The following PSAP variants were observed in gnomAD, a reference collection of about 807,000 sequenced individuals.
The protein encoded by PSAP is precursor of saposins.
In PSAP, 25 loss-of-function variants were observed where a neutral mutation model predicts 66.0. That is an observed-to-expected ratio of 0.38 (90% confidence interval 0.28 to 0.53). PSAP has a LOEUF of 0.53. PSAP is among the 20% of genes least tolerant of loss of function. PSAP has a pLI of 0.83. For synonymous variants in PSAP, 273 were observed against 258.9 expected (o/e 1.05, Z -0.52); for missense variants, 649 against 668.8 (o/e 0.97, Z 0.33).
At chr10:71,825,735 G>C in intron 7 of PSAP, 102 bp downstream of exon 7, 1 of 1,149,366 alleles carries the variant, frequency 8.7e-7, no homozygotes, top group Non-Finnish European at 1.3e-6. Context: ...GCACTCTAAG[G>C]TAAAAAAGGG....
At chr10:71,848,874 G>T (rs541669690) in intron 1 of PSAP, among the ~76,000 whole-genome samples, 1 of 152,240 alleles carries the variant, frequency 6.6e-6, no homozygotes, top group Admixed American at 6.5e-5. Flanking sequence ...AGGTAGGACA[G>T]CAAAGTTAAA....
rs199876522 is a variant in PSAP at position 71,822,047 on chromosome 10, C to G, written c.778-40G>C. The G allele has an allele frequency of 1.7e-5, 28 of 1,613,612 alleles. No individual in the cohort carries two copies. The East Asian group carries it at 4.5e-4, about 26-fold the overall frequency. On this transcript the variant is annotated intron_variant, in intron 7 of 13. Transcript: ENST00000394936. Reference sequence around the variant, plus strand: ...GAACAACCAGTCAGCAGCAAGCCTACGCCCACTGCTCCTCAGTCCCAATCC... The same window carrying G: ...GAACAACCAGTCAGCAGCAAGCCTAGGCCCACTGCTCCTCAGTCCCAATCC...
chr10:71,840,787 G>A (rs1842719109), intron 1 of PSAP, among the ~76,000 whole-genome samples: 2 of 152,084 alleles, frequency 1.3e-5, no homozygotes, highest in Admixed American at 1.3e-4. Flanking sequence ...TTCCAGGGCA[G>A]GACATTATCT....
intron 8 of PSAP, 105 bp downstream of exon 8, chr10:71,821,771 C>G: frequency 2.0e-6 from 3 of 1,495,742 alleles, no homozygotes; most frequent in Non-Finnish European, 2.8e-6. Context: ...AGGAGCCAGG[C>G]AGGGAACCGA....
In PSAP at chr10:71,831,231, C is replaced by T. The variant is rs937623244; in HGVS notation, c.270G>A (p.Leu90=). The change falls in exon 4 of 14, where the codon TTG becomes TTA. Residue 90 remains leucine (L), a synonymous_variant. Coordinates refer to ENST00000394936, the MANE Select transcript of PSAP (RefSeq NM_002778.4). ...TCGGAAGCCAGTCACAGGTCTTCTC[C>T]AAGTAAACAAGGATCTCCTCCTACG... ...NATEEEILVY[L]EKTCDWLPKP... 3 of 1,613,900 alleles carry T rather than the reference C, an allele frequency of 1.9e-6. No homozygotes were observed. Among genetic ancestry groups the T allele is most frequent in the African/African-American group, 2.7e-5 (2 of 74,890 alleles).
At chr10:71,823,037 AG>A (rs1412052472) in intron 7 of PSAP, among the ~76,000 whole-genome samples, 4 of 151,518 alleles carry the variant, frequency 2.6e-5, no homozygotes, top group Admixed American at 1.3e-4. Context: ...GCCAATATTC[AG>A]GAGGTATAGG....
chr10:71,833,796 T>A (rs371005335), intron 2 of PSAP, among the ~76,000 whole-genome samples: 1 of 152,212 alleles, frequency 6.6e-6, no homozygotes, highest in Non-Finnish European at 1.5e-5. Flanking sequence ...ATTATTTAGA[T>A]GAAAAATCAG....
intron 1 of PSAP, among the ~76,000 whole-genome samples, chr10:71,842,627 A>G (rs968908713): frequency 2.0e-5 from 3 of 152,142 alleles, no homozygotes; most frequent in Non-Finnish European, 2.9e-5. Context: ...TCCTCAACTT[A>G]TAGCTGCTTC....
intron 13 of PSAP, 91 bp from the exon 14 acceptor site, chr10:71,817,567 C>A (rs1842196423): frequency 1.6e-6 from 2 of 1,273,240 alleles, no homozygotes; most frequent in Non-Finnish European, 2.3e-6. Context: ...CAAAACAGGA[C>A]CTGTTCTCTT....
Position 71,817,457 on chromosome 10 carries a change from C to A in PSAP, c.1559G>T (p.Arg520Leu). ...AQCNAVEHCK[R>L]HVWN ...TTCCTCCTCCTAGTTCCACACATGG[C>A]GTTTGCAATGCTCGACAGCCTGGTA... Residue 520 changes from arginine (R) to leucine (L), a missense_variant, in exon 14 of 14, where the codon CGC (arginine) becomes CTC (leucine). By Grantham distance (102) the Arg-to-Leu change is moderately radical. Transcript: ENST00000394936. 1 of 1,614,188 alleles carries A rather than the reference C, an allele frequency of 6.2e-7. No individual in the cohort carries two copies. Among genetic ancestry groups the A allele is most frequent in the Non-Finnish European group, 8.5e-7 (1 of 1,180,014 alleles).
chr10:71,844,184 C>T (rs1842779295), intron 1 of PSAP, among the ~76,000 whole-genome samples: 1 of 152,194 alleles, frequency 6.6e-6, no homozygotes, highest in Non-Finnish European at 1.5e-5. Flanking sequence ...TATGGAATGG[C>T]AACTGCCAAG....
At chr10:71,819,185 G>A (rs1842240177) in intron 11 of PSAP, 74 bp from the exon 12 acceptor site, 14 of 1,343,340 alleles carry the variant, frequency 1.0e-5, no homozygotes, top group South Asian at 3.6e-5. Context: ...AGGCCAGGCA[G>A]GCCCTGGATA....
At chr10:71,818,834 C>T (rs1378256206) in intron 12 of PSAP, 110 bp from the exon 13 acceptor site, 1 of 1,083,054 alleles carries the variant, frequency 9.2e-7, no homozygotes, top group Non-Finnish European at 1.4e-6. Context: ...CACAGCTCCA[C>T]CACGCTCTTT....
chr10:71,847,989 T>C (rs1216056839), intron 1 of PSAP, among the ~76,000 whole-genome samples: 13 of 152,184 alleles, frequency 8.5e-5, no homozygotes, highest in Non-Finnish European at 1.9e-4. Flanking sequence ...TATCAGGGCA[T>C]CTAAGCTTCA....
At chr10:71,846,731 CAAAAAAAAAAAA>C (rs56323015) in intron 1 of PSAP, among the ~76,000 whole-genome samples, 1 of 49,678 alleles carries the variant, frequency 2.0e-5, no homozygotes, top group Non-Finnish European at 3.6e-5. Context: ...GACCCTGTCT[CAAAAAAAAAAAA>C]AAAAAAAAAA....
chr10:71,827,765 A>G (rs1331888151), intron 6 of PSAP, among the ~76,000 whole-genome samples: 2 of 152,066 alleles, frequency 1.3e-5, no homozygotes, highest in South Asian at 2.1e-4. Context: ...AAGTATTTCT[A>G]CAGTGTTCCT....
intron 7 of PSAP, chr10:71,823,961 A>C: frequency 1.7e-6 from 2 of 1,208,528 alleles, no homozygotes; most frequent in South Asian, 1.3e-5. Flanking sequence ...ACAACAGTTA[A>C]GAAAAATTAA....
chr10:71,821,655 G>A (rs574141130), intron 8 of PSAP, among the ~76,000 whole-genome samples: 10 of 152,326 alleles, frequency 6.6e-5, no homozygotes, highest in Non-Finnish European at 1.2e-4. Flanking sequence ...ACGAACATTA[G>A]GGTTTACAAC....
chr10:71,839,870 T>C (rs1309608373), intron 1 of PSAP, among the ~76,000 whole-genome samples: 1 of 151,946 alleles, frequency 6.6e-6, no homozygotes, highest in Admixed American at 6.6e-5. Flanking sequence ...GAAAAACAAA[T>C]AAGCCATTAT....
Sources: gnomAD v4.1 joint callset for allele counts (sites outside exome capture counted in the v4.1 genomes callset) on GRCh38, gnomAD v4.1.1 for gene constraint, MANE v1.5 for transcripts, NCBI Gene and HGNC (gene_info 2026-07-23, HGNC 2026-07-21) for gene names.